Variants in C14orf39 observed in about 807,000 individuals in gnomAD.
C14orf39 encodes the protein protein SIX6OS1.
Under a neutral mutation model 85.6 loss-of-function variants are expected in C14orf39, and 66 were observed. The ratio of observed to expected loss-of-function variants is 0.77; its 90% confidence interval spans 0.63 to 0.95. C14orf39 has a LOEUF of 0.95. Among genes scored for constraint, C14orf39 ranks in the 40% least tolerant of loss-of-function variants. C14orf39 has a pLI of 0.00. For missense variants in C14orf39, 735 were observed against 663.9 expected (o/e 1.11, Z -1.18); for synonymous variants, 242 against 214.0 (o/e 1.13, Z -1.14).
At chr14:60,446,393 A>C (rs1218196731) in intron 16 of C14orf39, among the ~76,000 whole-genome samples, 1 of 152,220 alleles carries the variant, frequency 6.6e-6, no homozygotes, top group African/African-American at 2.4e-5. Flanking sequence ...CAGAAATACA[A>C]AGTACCATCA....
chr14:60,461,187 A>G (rs949624134), intron 13 of C14orf39, among the ~76,000 whole-genome samples, 167 bp downstream of exon 13: 2 of 152,040 alleles, frequency 1.3e-5, no homozygotes, highest in Non-Finnish European at 2.9e-5. Context: ...ATATTCTACA[A>G]TAAAATGTAT....
intron 13 of C14orf39, among the ~76,000 whole-genome samples, chr14:60,460,942 C>CCA (rs1891494370): frequency 1.3e-5 from 2 of 151,430 alleles, no homozygotes; most frequent in Non-Finnish European, 3.0e-5. Flanking sequence ...TATGGCATAT[C>CCA]CACACAATGG....
At chr14:60,495,295 T>A (rs1331800302) in intron 2 of C14orf39, 1 of 221,012 alleles carries the variant, frequency 4.5e-6, no homozygotes, top group Non-Finnish European at 9.6e-6. Context: ...CCCTGGCTCA[T>A]GGATTCCACT....
rs983140513 is a variant in C14orf39 at position 60,491,407 on chromosome 14, T to G, written c.-8-6321A>C. Among the ~76,000 whole-genome samples, 1 of 152,208 alleles carries G rather than the reference T, an allele frequency of 6.6e-6. No individual in the cohort carries two copies. The highest frequency in any genetic ancestry group is 1.5e-5 in the Non-Finnish European group (1 of 68,032). On this transcript the variant is annotated intron_variant, in intron 2 of 5. Coordinates refer to the C14orf39 transcript ENST00000556799. This position sits in a 1 kb window ranked among gnomAD's most constrained non-coding sequence, Gnocchi z 4.5. ...CATCACGCCTCTTAATACTATTACA[T>G]TAGGGATTAAGTTTCAACATGAATT... is the stretch of plus-strand genomic sequence containing the variant.
At position 60,465,971 on chromosome 14, in the gene C14orf39, A is replaced by G; in HGVS notation, c.972+8T>C. 1 of 1,509,790 alleles carries G rather than the reference A, an allele frequency of 6.6e-7. No individual in the cohort carries two copies. The highest frequency in any genetic ancestry group is 8.9e-7 in the Non-Finnish European group (1 of 1,121,918). 93.5% of individuals were successfully genotyped at this position (1,509,790 alleles called of 1,614,324 possible). The stretch of plus-strand genomic sequence containing the variant: ...TTTAATTTATACTACTAAAAGTGAG[A>G]CACCTACCTGTGTATCATTTTCTTT... On this transcript the variant is annotated splice_region_variant and intron_variant, in intron 11 of 17. Transcript: ENST00000321731.
intron 16 of C14orf39, among the ~76,000 whole-genome samples, chr14:60,447,705 T>C (rs1426307891): frequency 6.6e-6 from 1 of 152,130 alleles, no homozygotes; most frequent in Non-Finnish European, 1.5e-5. Context: ...TTAAAGTTCA[T>C]ATGGAACCCA....
intron 2 of C14orf39, chr14:60,496,029 A>G: frequency 1.5e-6 from 1 of 660,798 alleles, no homozygotes; most frequent in Non-Finnish European, 2.6e-6. Context: ...TGTGAAAGGG[A>G]TTTTGGCATG....
chr14:60,472,564 A>G (rs932495272), intron 5 of C14orf39, among the ~76,000 whole-genome samples: 2 of 151,960 alleles, frequency 1.3e-5, no homozygotes, highest in Non-Finnish European at 2.9e-5. Flanking sequence ...CCCCCTCCCC[A>G]CAACAGGCCC....
In C14orf39 at chr14:60,465,978, C is replaced by A; in HGVS notation, c.972+1G>T. The A allele has an allele frequency of 6.5e-7, 1 of 1,529,512 alleles. No individual in the cohort carries two copies. Among genetic ancestry groups the A allele is most frequent in the South Asian group, 1.2e-5 (1 of 80,760 alleles). 94.7% of individuals were successfully genotyped at this position (1,529,512 alleles called of 1,614,324 possible). A position where few individuals can be genotyped will look rare whatever the true frequency, so the allele number is the denominator to read the frequency against. ...TATACTACTAAAAGTGAGACACCTA[C>A]CTGTGTATCATTTTCTTTTTGTCTA... is the stretch of plus-strand genomic sequence containing the variant. On this transcript the variant is annotated splice_donor_variant, in intron 11 of 17. Coordinates refer to ENST00000321731, the MANE Select transcript of C14orf39 (RefSeq NM_174978.3). LOFTEE classifies it high-confidence loss of function.
intron 1 of C14orf39, chr14:60,509,070 A>T: frequency 2.5e-6 from 1 of 404,012 alleles, no homozygotes; most frequent in Non-Finnish European, 4.5e-6. Flanking sequence ...GTGCTGATTC[A>T]AGCTTTGATT....
intron 16 of C14orf39, among the ~76,000 whole-genome samples, chr14:60,453,435 C>A (rs1891127928): frequency 6.6e-6 from 1 of 151,044 alleles, no homozygotes; most frequent in Non-Finnish European, 1.5e-5. Flanking sequence ...CCCGTCTTTG[C>A]CTTTATATTT....
chr14:60,452,894 C>A (rs1272832443), intron 16 of C14orf39, among the ~76,000 whole-genome samples: 3 of 152,060 alleles, frequency 2.0e-5, no homozygotes, highest in Admixed American at 2.0e-4. Context: ...ACATTGAGTT[C>A]TAATTTAATT....
intron 1 of C14orf39, among the ~76,000 whole-genome samples, chr14:60,505,696 T>A (rs553694607): frequency 6.6e-6 from 1 of 152,320 alleles, no homozygotes; most frequent in South Asian, 2.1e-4. Flanking sequence ...AATAGCTGAT[T>A]ATGTGAAATT....
intron 4 of C14orf39, among the ~76,000 whole-genome samples, chr14:60,482,493 A>G (rs773360748): frequency 2.6e-5 from 4 of 152,230 alleles, no homozygotes; most frequent in Non-Finnish European, 5.9e-5. Flanking sequence ...GTTACTGCAT[A>G]AAATTTTGTT....
chr14:60,502,264 G>A (rs1466522378), intron 1 of C14orf39, among the ~76,000 whole-genome samples: 1 of 152,060 alleles, frequency 6.6e-6, no homozygotes, highest in Non-Finnish European at 1.5e-5. Context: ...TCAGCAATGG[G>A]GAATAGGAAG....
chr14:60,442,179 G>A (rs1398006925), intron 16 of C14orf39, 48 bp from the exon 17 acceptor site: 3 of 1,181,340 alleles, frequency 2.5e-6, no homozygotes, highest in Non-Finnish European at 3.8e-6. Context: ...CAGTAGGACA[G>A]TATATATAGT....
chr14:60,488,185 AT>A (rs1892934826), upstream of C14orf39, among the ~76,000 whole-genome samples: 1 of 152,196 alleles, frequency 6.6e-6, no homozygotes, highest in South Asian at 2.1e-4. Context: ...AGATTTTCTT[AT>A]GAAAATTTGT....
At chr14:60,488,800 C>A (rs555656266), upstream of C14orf39, among the ~76,000 whole-genome samples, 70 of 152,172 alleles carry the variant, frequency 4.6e-4, 3 homozygotes, top group South Asian at 0.015. Context: ...AATTCCAAAT[C>A]TTATGGTCTT....
At chr14:60,492,156 G>T (rs1295216289) in intron 2 of C14orf39, among the ~76,000 whole-genome samples, 10 of 151,994 alleles carry the variant, frequency 6.6e-5, no homozygotes, top group Non-Finnish European at 1.2e-4. Context: ...TTATCCTAAA[G>T]TCAGGCGCAA....
Sources: allele counts gnomAD v4.1 joint callset (sites outside exome capture counted in the v4.1 genomes callset), GRCh38; gene constraint gnomAD v4.1.1; non-coding constraint Gnocchi (gnomAD v3.1); transcripts MANE v1.5; gene names NCBI Gene and HGNC (gene_info 2026-07-23, HGNC 2026-07-21).